Variants in SYT6 observed in about 807,000 individuals in gnomAD.
The protein encoded by SYT6 is synaptotagmin-6.
In SYT6, 24 loss-of-function variants were observed where a neutral mutation model predicts 38.4. The observed-to-expected ratio is 0.62, with a 90% CI of 0.45 to 0.88. The LOEUF (loss-of-function observed/expected upper bound fraction) is 0.88, where lower values mean the gene tolerates loss of function less well. Ranked by LOEUF, SYT6 falls within the 40% of genes least tolerant of loss-of-function variation. SYT6 has a pLI of 0.00. For missense variants in SYT6, 611 were observed against 621.0 expected (o/e 0.98, Z 0.17); for synonymous variants, 265 against 241.9 (o/e 1.10, Z -0.89).
chr1:114,090,556 A>T lies in SYT6; in HGVS notation c.*1578T>A, dbSNP rs1390382573. ...GGTCGCTGCTCCTCTACCATGTAGC[A>T]TATATAAAGAATAAGACACAGGTGT... On this transcript the variant is annotated 3_prime_UTR_variant, in exon 8 of 8. Coordinates refer to ENST00000610222, the MANE Select transcript of SYT6 (RefSeq NM_001253772.2). 1.3e-5 allele frequency: 2 copies of T among 152,394 alleles called. No homozygotes were observed. Among genetic ancestry groups the T allele is most frequent in the African/African-American group, 4.8e-5 (2 of 41,464 alleles). 9.4% of individuals were successfully genotyped at this position (152,394 alleles called of 1,614,324 possible).
At chr1:114,099,454 A>C (rs1675836995) in intron 4 of SYT6, among the ~76,000 whole-genome samples, 189 bp from the exon 5 acceptor site, 1 of 152,176 alleles carries the variant, frequency 6.6e-6, no homozygotes, top group African/African-American at 2.4e-5. Flanking sequence ...CTCTGTGCTT[A>C]ATAAATGCAG....
In SYT6 at chr1:114,150,568, G is replaced by T. The variant is rs141259795; in HGVS notation, c.163+3042C>A. Among the ~76,000 whole-genome samples the T allele has an allele frequency of 4.6e-5, 7 of 152,264 alleles. No homozygotes were observed. The East Asian group carries it at 1.4e-3, about 29-fold the overall frequency. ...AGGGAAGCTTGAGGTCTCCTGTCAG[G>T]TTTCTGCATTTGCTGGAGCACTTCT... On this transcript the variant is annotated intron_variant, in intron 1 of 7. Coordinates refer to ENST00000610222, the MANE Select transcript of SYT6 (RefSeq NM_001253772.2).
rs868603897 is a variant in SYT6 at position 114,092,012 on chromosome 1, C to T, written c.*122G>A. The T allele has an allele frequency of 2.0e-6, 3 of 1,536,300 alleles. No individual in the cohort carries two copies. Among genetic ancestry groups the T allele is most frequent in the East Asian group, 2.4e-5 (1 of 41,062 alleles). On this transcript the variant is annotated 3_prime_UTR_variant, in exon 8 of 8. Coordinates refer to ENST00000610222, the MANE Select transcript of SYT6 (RefSeq NM_001253772.2). Reference sequence around the variant, plus strand: ...ATTTGTGTTATTTGGCTGCACATCTCATGGTGTTGGAGGTGGTTTCGGAGA... The same window carrying T: ...ATTTGTGTTATTTGGCTGCACATCTTATGGTGTTGGAGGTGGTTTCGGAGA...
rs1190128750 is a variant in SYT6, at chr1:114,090,274, C to A, written c.*1860G>T. Reference sequence around the variant, plus strand: ...GGAGAACACCCAAATGTAGGACTACCAGACTAGGAAGGCCTGTCAATGACA... The same window carrying A: ...GGAGAACACCCAAATGTAGGACTACAAGACTAGGAAGGCCTGTCAATGACA... On this transcript the variant is annotated 3_prime_UTR_variant, in exon 8 of 8. Transcript: ENST00000610222. The A allele has an allele frequency of 6.6e-6, 1 of 152,320 alleles. No homozygotes were observed. Among genetic ancestry groups the A allele is most frequent in the African/African-American group, 2.4e-5 (1 of 41,442 alleles). 9.4% of individuals were successfully genotyped at this position (152,320 alleles called of 1,614,324 possible). A position where few individuals can be genotyped will look rare whatever the true frequency, so the allele number is the denominator to read the frequency against.
intron 3 of SYT6, among the ~76,000 whole-genome samples, chr1:114,125,671 CAT>C (rs1488496902): frequency 1.3e-5 from 2 of 152,132 alleles, no homozygotes; most frequent in African/African-American, 2.4e-5. Context: ...ACACCATAAA[CAT>C]ATGATAGCAA....
chr1:114,104,081 ACC>A (rs1676127528), intron 3 of SYT6, among the ~76,000 whole-genome samples: 1 of 151,678 alleles, frequency 6.6e-6, no homozygotes, highest in Admixed American at 6.6e-5. Context: ...CCTCCAGCCC[ACC>A]CTTCTCAGTC....
chr1:114,118,034 C>A (rs778715316), intron 3 of SYT6, among the ~76,000 whole-genome samples: 8 of 152,208 alleles, frequency 5.3e-5, no homozygotes, highest in Non-Finnish European at 1.2e-4. Flanking sequence ...TGGCTTCAGC[C>A]ATCTCCAAAC....
intron 3 of SYT6, among the ~76,000 whole-genome samples, chr1:114,121,950 TA>T (rs1677425060): frequency 1.3e-5 from 2 of 152,222 alleles, no homozygotes; most frequent in South Asian, 4.1e-4. Context: ...CACATTTGGC[TA>T]AGGGGGAAAG....
rs57032351 is a variant in SYT6, at chr1:114,097,609, T to C, written c.1515+118A>G. 1,330 of 1,253,670 alleles carry C rather than the reference T, an allele frequency of 1.1e-3. 29 individuals are homozygous for C. In the East Asian group the frequency reaches 0.03, roughly 28 times the overall value. The allele number at this position is 1,253,670 out of a possible 1,614,324, so 77.7% of individuals were successfully genotyped here. A position where few individuals can be genotyped will look rare whatever the true frequency, so the allele number is the denominator to read the frequency against. On this transcript the variant is annotated intron_variant, in intron 6 of 7. Transcript: ENST00000610222. ...CCTATTACACACTGGGTAAGAAGCA[T>C]GTGGCCCTCATGCCCACCTTTCCAC...
chr1:114,128,163 C>T (rs1677853852), intron 3 of SYT6, among the ~76,000 whole-genome samples: 1 of 152,246 alleles, frequency 6.6e-6, no homozygotes, highest in Non-Finnish European at 1.5e-5. Context: ...CAGACTCAGG[C>T]ACACCTTTAC....
At position 114,146,032 on chromosome 1, in the gene SYT6, G is replaced by A. The variant is rs113115781; in HGVS notation, c.164-6069C>T. Among the ~76,000 whole-genome samples the A allele has an allele frequency of 4.5e-3, 688 of 152,250 alleles. 7 individuals are homozygous for A. The highest frequency in any genetic ancestry group is 0.016 in the African/African-American group (654 of 41,544). On this transcript the variant is annotated intron_variant, in intron 1 of 7. Coordinates refer to ENST00000610222, the MANE Select transcript of SYT6 (RefSeq NM_001253772.2). ...CATGGTTTTTTGGAATCAGCACCCA[G>A]CACTCAATACTGGTTATATGAGACC...
At chr1:114,104,982 C>T (rs1676198525) in intron 3 of SYT6, among the ~76,000 whole-genome samples, 1 of 151,982 alleles carries the variant, frequency 6.6e-6, no homozygotes, top group South Asian at 2.1e-4. Context: ...CAAACCTTGC[C>T]CCCTCCCTCC....
intron 1 of SYT6, among the ~76,000 whole-genome samples, chr1:114,143,298 TTA>T (rs1442364144): frequency 6.7e-6 from 1 of 149,252 alleles, no homozygotes; most frequent in African/African-American, 2.4e-5. Context: ...TTACACAAAG[TTA>T]TATATATGTT....
chr1:114,092,211 G>T, intron 7 of SYT6, 129 bp from the exon 8 acceptor site: 1 of 882,834 alleles, frequency 1.1e-6, no homozygotes, highest in Non-Finnish European at 1.7e-6. Context: ...GAATTTTGCT[G>T]TCAGCCATGC....
chr1:114,097,850 G>A lies in SYT6; in HGVS notation c.1392C>T (p.Val464=), dbSNP rs1675731665. 1.2e-6 allele frequency: 2 copies of A among 1,614,210 alleles called. No homozygotes were observed. The highest frequency in any genetic ancestry group is 1.7e-6 in the Non-Finnish European group (2 of 1,180,036). ...CTTCAGCAGTGATCCCCACACGACA[G>A]ACTCCTATGATCTCATTGTGGCCCA... ...DRVGHNEIIG[V]CRVGITAEGL... Residue 464 remains valine (V), a synonymous_variant, in exon 6 of 8, where the codon GTC becomes GTT. Coordinates refer to ENST00000610222, the MANE Select transcript of SYT6 (RefSeq NM_001253772.2).
chr1:114,123,804 C>T (rs1315389826), intron 3 of SYT6, among the ~76,000 whole-genome samples: 2 of 152,202 alleles, frequency 1.3e-5, no homozygotes, highest in Admixed American at 1.3e-4. Flanking sequence ...ACAGACAAAG[C>T]AAACAACACT....
At chr1:114,093,918 A>G in intron 6 of SYT6, 115 bp from the exon 7 acceptor site, 3 of 955,090 alleles carry the variant, frequency 3.1e-6, no homozygotes, top group Non-Finnish European at 5.0e-6. Flanking sequence ...CTCTTATTTA[A>G]CAGACCTTCA....
intron 6 of SYT6, among the ~76,000 whole-genome samples, chr1:114,095,153 C>A (rs1282003416): frequency 5.9e-5 from 9 of 152,128 alleles, no homozygotes; most frequent in Non-Finnish European, 1.2e-4. Context: ...GCTTGGCCTG[C>A]AAGGTCAGGA....
chr1:114,095,625 A>G (rs1359332958), intron 6 of SYT6, among the ~76,000 whole-genome samples: 1 of 151,850 alleles, frequency 6.6e-6, no homozygotes, highest in Non-Finnish European at 1.5e-5. Context: ...TCATTTTACC[A>G]AGGAACCCAA....
Sources: allele counts gnomAD v4.1 joint callset (sites outside exome capture counted in the v4.1 genomes callset), GRCh38; gene constraint gnomAD v4.1.1; transcripts MANE v1.5; gene names NCBI Gene and HGNC (gene_info 2026-07-23, HGNC 2026-07-21).